SEMA4F: variants seen among roughly 807,000 people sequenced by gnomAD.
The protein encoded by SEMA4F is semaphorin-4F.
In SEMA4F, 51 loss-of-function variants were observed where a neutral mutation model predicts 78.4. The ratio of observed to expected loss-of-function variants is 0.65; its 90% CI spans 0.52 to 0.82. SEMA4F has a LOEUF of 0.82. SEMA4F is among the 40% of genes least tolerant of loss of function. The pLI, the probability that SEMA4F is intolerant of heterozygous loss-of-function variation, is 0.00. For missense variants in SEMA4F, 938 were observed against 1,014.4 expected (o/e 0.92, Z 1.02); for synonymous variants, 418 against 408.7 (o/e 1.02, Z -0.27).
Position 74,664,701 on chromosome 2 carries a change from A to G in SEMA4F, c.550+1876A>G, listed in dbSNP as rs572063667. Reference sequence around the variant, plus strand: ...AAAATGACACCTTGTTTTTATTTGTATTTCTTTGAATATTAGTGAAGTTGA... The same window carrying G: ...AAAATGACACCTTGTTTTTATTTGTGTTTCTTTGAATATTAGTGAAGTTGA... On this transcript the variant is annotated intron_variant, in intron 5 of 13. Transcript: ENST00000357877. 2.6e-5 allele frequency among the ~76,000 whole-genome samples: 4 copies of G among 152,216 alleles called. No individual in the cohort carries two copies. The East Asian group carries it at 7.7e-4, about 29-fold the overall frequency.
the SEMA4F span, among the ~76,000 whole-genome samples, chr2:74,689,535 G>A: frequency 6.6e-6 from 1 of 152,084 alleles, no homozygotes. Flanking sequence ...CAGTATAAGT[G>A]TGCAAAGACA....
chr2:74,668,464 A>AT (rs200988755), intron 5 of SEMA4F, among the ~76,000 whole-genome samples: 26 of 151,572 alleles, frequency 1.7e-4, no homozygotes, highest in Middle Eastern at 3.4e-3. Context: ...GGCTTAAAGA[A>AT]TTTTTTTTTT....
chr2:74,660,827 G>A (rs1322721781), intron 4 of SEMA4F, among the ~76,000 whole-genome samples: 4 of 152,218 alleles, frequency 2.6e-5, no homozygotes, highest in Non-Finnish European at 5.9e-5. Flanking sequence ...ATCTCTGTGA[G>A]GAAGTCCAGC....
At chr2:74,668,922 G>A (rs1484251870) in intron 5 of SEMA4F, among the ~76,000 whole-genome samples, 3 of 132,738 alleles carry the variant, frequency 2.3e-5, no homozygotes, top group Admixed American at 7.6e-5. Context: ...GAGCCACCAA[G>A]CGTGGCCAAA....
intron 2 of SEMA4F, among the ~76,000 whole-genome samples, chr2:74,657,009 G>T (rs1322631618): frequency 3.9e-5 from 6 of 151,902 alleles, no homozygotes; most frequent in African/African-American, 1.5e-4. Flanking sequence ...ACTTTTTTTT[G>T]ACCATTATTA....
At chr2:74,692,772 C>T in the SEMA4F span, among the ~76,000 whole-genome samples, 1 of 152,188 alleles carries the variant, frequency 6.6e-6, no homozygotes, top group Admixed American at 6.5e-5. Context: ...CAGAGCAGAC[C>T]AGCTTGGTTT....
chr2:74,671,175 C>G (rs902439054), intron 5 of SEMA4F, among the ~76,000 whole-genome samples: 2 of 152,126 alleles, frequency 1.3e-5, no homozygotes, highest in Admixed American at 6.5e-5. Flanking sequence ...TTCCTGGCTC[C>G]CAAACACTTG....
chr2:74,674,955 C>A lies in SEMA4F; in HGVS notation c.1069C>A (p.Pro357Thr), dbSNP rs1226064022. 1 of 1,613,856 alleles carries A rather than the reference C, an allele frequency of 6.2e-7. No individual in the cohort carries two copies. Residue 357 changes from proline (P) to threonine (T), a missense_variant, in exon 9 of 14, where the codon CCC (proline) becomes ACC (threonine). Pro to Thr is a conservative substitution (Grantham distance 38). Transcript: ENST00000357877. ...AGACATTCGGACAGTGCTGAATGGT[C>A]CCTTCAGAGAACTAAAACATGACTG... ...PQDIRTVLNG[P>T]FRELKHDCNR...
chr2:74,693,733 C>A, the SEMA4F span, among the ~76,000 whole-genome samples: 1 of 152,140 alleles, frequency 6.6e-6, no homozygotes, highest in African/African-American at 2.4e-5. Context: ...TGTGCTATAC[C>A]TGCTCTTTTT....
At position 74,657,924 on chromosome 2, in the gene SEMA4F, C is replaced by T. The variant is rs201979007; in HGVS notation, c.429C>T (p.Phe143=). ...CTCACCTCCTCACTTGTGGCACCTT[C>T]GCTTTTGATCCGAAGTGCGGGGTTA... is the stretch of plus-strand genomic sequence containing the variant. ...NASHLLTCGT[F]AFDPKCGVID... Residue 143 remains phenylalanine (F), a synonymous_variant, in exon 4 of 14, where the codon TTC becomes TTT. Transcript: ENST00000357877. 16 of 1,614,106 alleles carry T rather than the reference C, an allele frequency of 9.9e-6. No homozygotes were observed. Among genetic ancestry groups the T allele is most frequent in the African/African-American group, 2.7e-5 (2 of 74,936 alleles).
intron 12 of SEMA4F, among the ~76,000 whole-genome samples, chr2:74,676,348 C>T (rs1034186226): frequency 3.3e-5 from 5 of 152,192 alleles, no homozygotes; most frequent in Admixed American, 1.3e-4. Context: ...TCTCTTCACA[C>T]GTTCATGCAC....
At chr2:74,701,430 T>C in the SEMA4F span, among the ~76,000 whole-genome samples, 1 of 152,210 alleles carries the variant, frequency 6.6e-6, no homozygotes, top group Admixed American at 6.5e-5. Context: ...AACTCAGCTA[T>C]AGAAAATTCC....
At chr2:74,675,995 C>A in intron 12 of SEMA4F, 86 bp downstream of exon 12, 1 of 1,436,858 alleles carries the variant, frequency 7.0e-7, no homozygotes, top group Non-Finnish European at 9.3e-7. Context: ...GTTAATGCTG[C>A]CCTGCCGGAG....
intron 1 of SEMA4F, among the ~76,000 whole-genome samples, chr2:74,655,789 G>A (rs1190861133): frequency 6.6e-6 from 1 of 152,150 alleles, no homozygotes; most frequent in Non-Finnish European, 1.5e-5. Flanking sequence ...ATGGGTGTGG[G>A]AGGAAGGAGT....
chr2:74,672,913 C>T (rs1685059730), intron 5 of SEMA4F, among the ~76,000 whole-genome samples: 1 of 152,230 alleles, frequency 6.6e-6, no homozygotes. Context: ...CCCAGCTCTA[C>T]TGAATGAGAA....
chr2:74,656,666 CA>C lies in SEMA4F; in HGVS notation c.279del (p.Glu95ArgfsTer87). 1 of 1,614,166 alleles carries C rather than the reference CA, an allele frequency of 6.2e-7. No individual in the cohort carries two copies. The highest frequency in any genetic ancestry group is 1.1e-5 in the South Asian group (1 of 91,074). On this transcript the variant is annotated frameshift_variant, in exon 2 of 14. Transcript: ENST00000357877. LOFTEE classifies it high-confidence loss of function. ...ATCTTCGCTTTATCCCTGCCCTTCT[CA>C]GGGGAGAGACCCCGCAGGGTGAGAG... ...DTIFALSLPF[S>X]GERPRRIDWM...
chr2:74,677,101 T>C (rs1277331014), intron 12 of SEMA4F, among the ~76,000 whole-genome samples: 1 of 152,086 alleles, frequency 6.6e-6, no homozygotes, highest in Non-Finnish European at 1.5e-5. Context: ...GGGGTTTCAC[T>C]ACGTTGGCCA....
intron 12 of SEMA4F, 55 bp downstream of exon 12, chr2:74,675,964 A>C: frequency 6.5e-7 from 1 of 1,540,548 alleles, no homozygotes; most frequent in Non-Finnish European, 8.7e-7. Context: ...TGTCCCATCC[A>C]TATGTCTACG....
chr2:74,685,065 A>T (rs1256143766), downstream of SEMA4F, among the ~76,000 whole-genome samples: 1 of 152,228 alleles, frequency 6.6e-6, no homozygotes, highest in Non-Finnish European at 1.5e-5. Context: ...GAAGGGAAAC[A>T]TATACTAAAT....
Sources: allele counts gnomAD v4.1 joint callset (sites outside exome capture counted in the v4.1 genomes callset), GRCh38; gene constraint gnomAD v4.1.1; transcripts MANE v1.5; gene names NCBI Gene and HGNC (gene_info 2026-07-23, HGNC 2026-07-21).